Variants in MTMR7 observed in about 807,000 individuals in gnomAD.
MTMR7 encodes myotubularin related protein 7.
A neutral mutation model predicts 81.2 loss-of-function variants in MTMR7; 76 were observed. That is an observed-to-expected ratio of 0.94 (90% CI 0.78 to 1.13). The LOEUF is 1.13. Ranked by LOEUF, MTMR7 falls within the 50% of genes most tolerant of loss-of-function variation. The pLI, the probability that MTMR7 is intolerant of heterozygous loss-of-function variation, is 0.00. For synonymous variants in MTMR7, 372 were observed against 289.8 expected (o/e 1.28, Z -2.88); for missense variants, 1,044 against 820.0 (o/e 1.27, Z -3.34).
At position 17,402,001 on chromosome 8, in the gene MTMR7, T is replaced by C. The variant is rs147351965; in HGVS notation, c.24+11268A>G. 2.8e-3 allele frequency among the ~76,000 whole-genome samples: 431 copies of C among 152,334 alleles called. 3 individuals are homozygous for C. The highest frequency in any genetic ancestry group is 9.9e-3 in the African/African-American group (411 of 41,576). ...GTTATTTTTTAAATCATGTATACTT[T>C]ACAAAGGTCTCAAATTCTTTTGAAA... On this transcript the variant is annotated intron_variant, in intron 1 of 13. Transcript: ENST00000180173.
At chr8:17,384,200 C>T (rs1820854600) in intron 1 of MTMR7, among the ~76,000 whole-genome samples, 2 of 152,012 alleles carry the variant, frequency 1.3e-5, no homozygotes, top group Admixed American at 1.3e-4. Context: ...CACTTGAGGC[C>T]GACAGTTCGA....
chr8:17,369,714 C>T (rs1820353352), intron 3 of MTMR7, among the ~76,000 whole-genome samples: 1 of 138,782 alleles, frequency 7.2e-6, no homozygotes, highest in African/African-American at 2.6e-5. Flanking sequence ...GGCAAGATCT[C>T]AGCTCTCTGC....
chr8:17,355,753 A>C (rs1266311165), intron 4 of MTMR7, among the ~76,000 whole-genome samples: 1 of 152,188 alleles, frequency 6.6e-6, no homozygotes, highest in Non-Finnish European at 1.5e-5. Flanking sequence ...AAAACAACAA[A>C]TAATCTTATA....
chr8:17,341,697 G>A (rs1490376575), intron 5 of MTMR7, among the ~76,000 whole-genome samples, 200 bp from the exon 6 acceptor site: 1 of 152,156 alleles, frequency 6.6e-6, no homozygotes, highest in African/African-American at 2.4e-5. Flanking sequence ...GCAATACAAA[G>A]AACCTGTCTG....
Position 17,371,851 on chromosome 8 carries a change from GTTTTTTTTT to G in MTMR7, c.148-661_148-653del, listed in dbSNP as rs33920646. ...TGAGCATGGCCATCACTTACCTATA[GTTTTTTTTT>G]TTTTTTTTTTTTTTTACAGTGAGAC... On this transcript the variant is annotated intron_variant, in intron 2 of 13. Transcript: ENST00000180173. Among the ~76,000 whole-genome samples, 69 of 104,816 alleles carry G rather than the reference GTTTTTTTTT, an allele frequency of 6.6e-4. 2 individuals carry two copies. Among genetic ancestry groups the G allele is most frequent in the Non-Finnish European group, 1.6e-4 (8 of 51,306 alleles). The allele number at this position is 104,816 out of a possible 152,430, so 68.8% of individuals were successfully genotyped here. A position where few individuals can be genotyped will look rare whatever the true frequency, so the allele number is the denominator to read the frequency against.
chr8:17,357,069 A>C (rs1586240555), intron 4 of MTMR7, among the ~76,000 whole-genome samples: 1 of 152,158 alleles, frequency 6.6e-6, no homozygotes. Context: ...AACAAAAGAA[A>C]AAAAGAAAGA....
intron 7 of MTMR7, among the ~76,000 whole-genome samples, chr8:17,326,981 G>A (rs796906239): frequency 5.3e-5 from 8 of 152,342 alleles, no homozygotes; most frequent in African/African-American, 1.9e-4. Context: ...CCTTGGTAAT[G>A]CAGTGACCAT....
chr8:17,343,365 G>C (rs1383219853), intron 5 of MTMR7, among the ~76,000 whole-genome samples: 1 of 152,082 alleles, frequency 6.6e-6, no homozygotes, highest in Non-Finnish European at 1.5e-5. Flanking sequence ...GACAGGCAGA[G>C]TTTGCAGTGC....
At chr8:17,411,109 A>G (rs1585131766) in intron 1 of MTMR7, among the ~76,000 whole-genome samples, 1 of 152,224 alleles carries the variant, frequency 6.6e-6, no homozygotes, top group Non-Finnish European at 1.5e-5. Flanking sequence ...AGACTGTGAA[A>G]ATTAATTTTG....
intron 3 of MTMR7, among the ~76,000 whole-genome samples, chr8:17,369,685 A>C (rs9801920): frequency 1.4e-5 from 2 of 143,386 alleles, no homozygotes; most frequent in East Asian, 4.1e-4. Context: ...TCGTTCTGTC[A>C]CCCAGGCTGG....
At chr8:17,387,971 C>A (rs572236118) in intron 1 of MTMR7, among the ~76,000 whole-genome samples, 2 of 152,232 alleles carry the variant, frequency 1.3e-5, no homozygotes, top group East Asian at 1.9e-4. Flanking sequence ...TTTAAAAATT[C>A]TCCTAAGGGA....
At chr8:17,384,312 G>A (rs1585111763) in intron 1 of MTMR7, among the ~76,000 whole-genome samples, 1 of 152,162 alleles carries the variant, frequency 6.6e-6, no homozygotes, top group South Asian at 2.1e-4. Flanking sequence ...TTAGGAGGCT[G>A]AAGTGGGCAG....
intron 1 of MTMR7, among the ~76,000 whole-genome samples, chr8:17,391,758 A>T (rs1255557874): frequency 6.6e-6 from 1 of 152,212 alleles, no homozygotes; most frequent in Non-Finnish European, 1.5e-5. Flanking sequence ...TTCTCCGGGA[A>T]TCTATGATAA....
intron 7 of MTMR7, among the ~76,000 whole-genome samples, chr8:17,324,210 C>T (rs149025251): frequency 6.6e-5 from 10 of 152,198 alleles, no homozygotes; most frequent in Non-Finnish European, 1.0e-4. Flanking sequence ...GAAGGAAGCA[C>T]TTGTCTATCC....
At position 17,371,217 on chromosome 8, in the gene MTMR7, T is replaced by C. The variant is rs371301941; in HGVS notation, c.148-18A>G. 5.0e-6 allele frequency: 8 copies of C among 1,612,920 alleles called. No individual in the cohort carries two copies. Among genetic ancestry groups the C allele is most frequent in the Non-Finnish European group, 5.9e-6 (7 of 1,179,442 alleles). ...TGAAGAATCTAGAACCAAATGTTAATGTGCATAAGCTAAGCACAAATAACT... is the reference window on the plus strand; with the variant it reads ...TGAAGAATCTAGAACCAAATGTTAACGTGCATAAGCTAAGCACAAATAACT... On this transcript the variant is annotated intron_variant, in intron 2 of 13. Transcript: ENST00000180173.
At chr8:17,309,220 T>A in intron 10 of MTMR7, 57 bp downstream of exon 10, 2 of 1,176,162 alleles carry the variant, frequency 1.7e-6, no homozygotes, top group Non-Finnish European at 2.5e-6. Context: ...TCAATTGAAA[T>A]TTTCAGAAAC....
chr8:17,394,769 G>C (rs1003050480), intron 1 of MTMR7, among the ~76,000 whole-genome samples: 1 of 152,092 alleles, frequency 6.6e-6, no homozygotes, highest in African/African-American at 2.4e-5. Flanking sequence ...CTGAGTGTCT[G>C]ACATCAGACC....
intron 12 of MTMR7, among the ~76,000 whole-genome samples, chr8:17,303,125 C>T (rs1817235901): frequency 1.3e-5 from 2 of 152,120 alleles, no homozygotes; most frequent in African/African-American, 4.8e-5. Flanking sequence ...TAAGTAAGTA[C>T]TTTGAGGGCA....
At chr8:17,343,174 C>A (rs1819454330) in intron 5 of MTMR7, among the ~76,000 whole-genome samples, 1 of 152,160 alleles carries the variant, frequency 6.6e-6, no homozygotes, top group Non-Finnish European at 1.5e-5. Context: ...CGCCTGTAAT[C>A]CCAGCACTTT....
Sources: gnomAD v4.1 joint callset for allele counts (sites outside exome capture counted in the v4.1 genomes callset) on GRCh38, gnomAD v4.1.1 for gene constraint, MANE v1.5 for transcripts, NCBI Gene and HGNC (gene_info 2026-07-23, HGNC 2026-07-21) for gene names.